PCNP: variants seen among roughly 807,000 people sequenced by gnomAD.
The protein encoded by PCNP is PEST proteolytic signal containing nuclear protein, also known as PEST proteolytic signal-containing nuclear protein.
PCNP carries 6 observed loss-of-function variants against 21.8 expected under a neutral mutation model. The observed-to-expected ratio is 0.28, with a 90% CI of 0.15 to 0.54. The LOEUF (loss-of-function observed/expected upper bound fraction) is 0.54. PCNP is among the 20% of genes least tolerant of loss of function. PCNP has a pLI of 0.95. For missense variants in PCNP, 161 were observed against 215.5 expected, an observed-to-expected ratio of 0.75 and a Z score of 1.58; for synonymous variants, 67 against 73.2, an observed-to-expected ratio of 0.92 and a Z score of 0.43.
chr3:101,579,953 T>G lies in PCNP; in HGVS notation c.228T>G (p.Gly76=). 1.9e-6 allele frequency: 3 copies of G among 1,613,996 alleles called. No individual in the cohort carries two copies. The highest frequency in any genetic ancestry group is 2.5e-6 in the Non-Finnish European group (3 of 1,179,866). Reference sequence around the variant, plus strand: ...TCTCCAAGTTTGGATTTGCCATAGGTAGTCAGACGACAAAGAAAGCATCAG... The same window carrying G: ...TCTCCAAGTTTGGATTTGCCATAGGGAGTCAGACGACAAAGAAAGCATCAG... ...TKISKFGFAI[G]SQTTKKASAI... The change falls in exon 2 of 5, where the codon GGT becomes GGG. Residue 76 remains glycine (G), a synonymous_variant. Coordinates refer to ENST00000265260, the MANE Select transcript of PCNP (RefSeq NM_020357.3).
At position 101,593,165 on chromosome 3, in the gene PCNP, A is replaced by G. The variant is rs1182966697; in HGVS notation, c.*412A>G. The G allele has an allele frequency of 3.9e-5, 6 of 153,370 alleles. No homozygotes were observed. Among genetic ancestry groups the G allele is most frequent in the African/African-American group, 1.4e-4 (6 of 41,466 alleles). 9.5% of individuals were successfully genotyped at this position (153,370 alleles called of 1,614,324 possible). On this transcript the variant is annotated 3_prime_UTR_variant, in exon 5 of 5. Coordinates refer to ENST00000265260, the MANE Select transcript of PCNP (RefSeq NM_020357.3). ...TTGTCTGGCTCCCAGGAACAGCCTT[A>G]TAGAGAGAGGGAGTATTGTATTGGG... is the stretch of plus-strand genomic sequence containing the variant.
chr3:101,592,362 C>T lies in PCNP; in HGVS notation c.411-265C>T, dbSNP rs780838413. ...CTAATTTTCGTATTTTTAGTAGAGA[C>T]GGGGCTTCACTGTGTTGGCCAGGCT... On this transcript the variant is annotated intron_variant, in intron 4 of 4. Coordinates refer to ENST00000265260, the MANE Select transcript of PCNP (RefSeq NM_020357.3). Among the ~76,000 whole-genome samples the T allele has an allele frequency of 7.2e-5, 11 of 151,924 alleles. No homozygotes were observed. The East Asian group carries it at 7.8e-4, about 11-fold the overall frequency.
At chr3:101,581,262 C>G (rs1434961787) in intron 2 of PCNP, among the ~76,000 whole-genome samples, 1 of 152,004 alleles carries the variant, frequency 6.6e-6, no homozygotes, top group East Asian at 1.9e-4. Flanking sequence ...CTTGTATAGA[C>G]CTAACTGCAT....
intron 3 of PCNP, among the ~76,000 whole-genome samples, chr3:101,589,511 A>G (rs552272849): frequency 6.6e-6 from 1 of 152,146 alleles, no homozygotes; most frequent in South Asian, 2.1e-4. Context: ...CCCGAATTCA[A>G]GCAATTCTCC....
intron 3 of PCNP, among the ~76,000 whole-genome samples, chr3:101,587,250 CA>C (rs34295234): frequency 0.028 from 3,446 of 123,218 alleles, 110 homozygotes; most frequent in African/African-American, 0.087. Context: ...AACTCTGTCT[CA>C]AAAAAAAAAA....
intron 1 of PCNP, chr3:101,575,046 C>T (rs1472999532): frequency 3.3e-5 from 5 of 152,154 alleles, no homozygotes; most frequent in African/African-American, 1.2e-4. Flanking sequence ...TTTGTTACGA[C>T]GTTAAACTCA....
chr3:101,580,432 C>A (rs1300365678), intron 2 of PCNP, among the ~76,000 whole-genome samples: 1 of 151,808 alleles, frequency 6.6e-6, no homozygotes, highest in Non-Finnish European at 1.5e-5. Flanking sequence ...AAAAAAAAAT[C>A]TTTTTTCTAA....
At chr3:101,578,211 C>T (rs1296959368) in intron 1 of PCNP, among the ~76,000 whole-genome samples, 2 of 152,074 alleles carry the variant, frequency 1.3e-5, no homozygotes, top group African/African-American at 4.8e-5. Flanking sequence ...GTGTGTCAGT[C>T]ACAGGAAAGT....
At chr3:101,589,233 A>G (rs1205871379) in intron 3 of PCNP, among the ~76,000 whole-genome samples, 2 of 152,180 alleles carry the variant, frequency 1.3e-5, no homozygotes, top group African/African-American at 2.4e-5. Flanking sequence ...ATAGGTTATA[A>G]TGCTCAAATT....
At chr3:101,574,362 G>A in intron 1 of PCNP, 83 bp downstream of exon 1, 2 of 1,395,490 alleles carry the variant, frequency 1.4e-6, no homozygotes, top group Non-Finnish European at 1.9e-6. Flanking sequence ...AGTGGGGTGG[G>A]GCGAGAATGG....
chr3:101,580,698 C>G (rs1452770165), intron 2 of PCNP, among the ~76,000 whole-genome samples: 1 of 152,120 alleles, frequency 6.6e-6, no homozygotes. Context: ...TTTAAGATGT[C>G]AGCCTTAGAT....
intron 1 of PCNP, chr3:101,576,915 A>G (rs1576604375): frequency 4.4e-6 from 7 of 1,595,604 alleles, no homozygotes; most frequent in Non-Finnish European, 6.0e-6. Flanking sequence ...CTCGCAAAAT[A>G]TGCTGGAACT....
chr3:101,576,411 T>G, intron 1 of PCNP: 2 of 1,185,874 alleles, frequency 1.7e-6, no homozygotes, highest in Non-Finnish European at 2.3e-6. Flanking sequence ...ATTTTTGTAT[T>G]TTTATTTTTT....
chr3:101,581,212 A>G (rs1273700498), intron 2 of PCNP, among the ~76,000 whole-genome samples: 2 of 152,094 alleles, frequency 1.3e-5, no homozygotes, highest in African/African-American at 4.8e-5. Context: ...CTATTTCTGT[A>G]TTTCAGCTGG....
At chr3:101,584,324 G>T (rs546693303) in intron 2 of PCNP, among the ~76,000 whole-genome samples, 3 of 152,112 alleles carry the variant, frequency 2.0e-5, no homozygotes, top group Non-Finnish European at 4.4e-5. Context: ...TTTTTTTAGA[G>T]ATGGGGGACT....
intron 3 of PCNP, among the ~76,000 whole-genome samples, chr3:101,587,473 T>A (rs1344217448): frequency 6.6e-6 from 1 of 152,034 alleles, no homozygotes; most frequent in African/African-American, 2.4e-5. Context: ...TTTGAGTGCT[T>A]TCTATATGTT....
intron 1 of PCNP, chr3:101,574,897 C>A: frequency 6.6e-6 from 1 of 152,570 alleles, no homozygotes; most frequent in Non-Finnish European, 1.5e-5. Flanking sequence ...ATGCCTTTGC[C>A]TGCCCTCTGG....
chr3:101,586,031 C>T (rs767544525), intron 3 of PCNP, among the ~76,000 whole-genome samples: 9 of 151,796 alleles, frequency 5.9e-5, no homozygotes, highest in Non-Finnish European at 1.2e-4. Flanking sequence ...ATTAGACAGG[C>T]GTGGTGGCAC....
At chr3:101,590,082 A>G (rs996276360) in intron 3 of PCNP, 133 bp from the exon 4 acceptor site, 9 of 648,372 alleles carry the variant, frequency 1.4e-5, no homozygotes, top group East Asian at 5.7e-5. Context: ...ATAACTCACT[A>G]ATTTTCTCCT....
Sources: gnomAD v4.1 joint callset for allele counts (sites outside exome capture counted in the v4.1 genomes callset) on GRCh38, gnomAD v4.1.1 for gene constraint, MANE v1.5 for transcripts, NCBI Gene and HGNC (gene_info 2026-07-23, HGNC 2026-07-21) for gene names.